The following CNTN1 variants were observed in gnomAD, a reference collection of about 807,000 sequenced individuals.
CNTN1 encodes the protein contactin 1.
In CNTN1, 38 loss-of-function variants were observed where a neutral mutation model predicts 126.4. That is an observed-to-expected ratio of 0.30 (90% CI 0.23 to 0.39). The LOEUF (loss-of-function observed/expected upper bound fraction) is 0.39. CNTN1 is among the 10% of genes least tolerant of loss of function. The probability of loss-of-function intolerance (pLI) is 1.00; values close to 1 mark genes in which losing one functional copy is unlikely to be tolerated. For missense variants in CNTN1, 1,009 were observed against 1,248.4 expected, an observed-to-expected ratio of 0.81 and a Z score of 2.89; for synonymous variants, 413 against 422.6, an observed-to-expected ratio of 0.98 and a Z score of 0.28.
At chr12:40,986,853 G>A (rs911870289) in intron 16 of CNTN1, among the ~76,000 whole-genome samples, 2 of 152,076 alleles carry the variant, frequency 1.3e-5, no homozygotes, top group Non-Finnish European at 2.9e-5. Context: ...GATTCTCCTT[G>A]TTCTTTGATC....
intron 19 of CNTN1, 62 bp downstream of exon 19, chr12:41,016,978 A>G (rs1178370677): frequency 1.4e-6 from 2 of 1,394,026 alleles, no homozygotes; most frequent in Admixed American, 1.7e-5. Flanking sequence ...TCTAGCAGGC[A>G]TTTAGTTTGT....
chr12:40,872,835 C>T (rs760525548), intron 1 of CNTN1, among the ~76,000 whole-genome samples: 5 of 152,022 alleles, frequency 3.3e-5, no homozygotes, highest in Non-Finnish European at 7.4e-5. Flanking sequence ...GCCGGGATTA[C>T]AGTCGTGAAC....
At chr12:40,929,196 T>C (rs572022765) in intron 6 of CNTN1, among the ~76,000 whole-genome samples, 2 of 152,108 alleles carry the variant, frequency 1.3e-5, no homozygotes, top group Non-Finnish European at 2.9e-5. Flanking sequence ...AGGAATTTCA[T>C]GTGGGTAAGA....
intron 15 of CNTN1, among the ~76,000 whole-genome samples, chr12:40,980,332 T>A (rs1947787493): frequency 6.6e-6 from 1 of 151,480 alleles, no homozygotes; most frequent in Non-Finnish European, 1.5e-5. Flanking sequence ...TAGTCCCAGC[T>A]ACTTGGGCGG....
chr12:41,064,254 T>C lies in CNTN1; in HGVS notation c.2981-5705T>C, dbSNP rs1950003311. Among the ~76,000 whole-genome samples, 7 of 151,876 alleles carry C rather than the reference T, an allele frequency of 4.6e-5. No individual in the cohort carries two copies. The South Asian group carries it at 1.5e-3, about 32-fold the overall frequency. ...CCAGAGACTTGGAAGATGCAGGCAT[T>C]CAATTATCTGCTCCAGTGTGCCTGT... is the stretch of plus-strand genomic sequence containing the variant. On this transcript the variant is annotated intron_variant, in intron 23 of 23. Transcript: ENST00000551295.
chr12:40,909,708 C>A (rs1412680948), intron 2 of CNTN1, among the ~76,000 whole-genome samples: 3 of 151,558 alleles, frequency 2.0e-5, no homozygotes, highest in East Asian at 1.9e-4. Flanking sequence ...TATGCACACA[C>A]ACCCACATAC....
intron 23 of CNTN1, among the ~76,000 whole-genome samples, chr12:41,069,500 T>C (rs988030492): frequency 6.6e-6 from 1 of 152,190 alleles, no homozygotes; most frequent in Non-Finnish European, 1.5e-5. Context: ...GTTTGTTACA[T>C]ATGTATACAA....
intron 1 of CNTN1, among the ~76,000 whole-genome samples, chr12:40,718,591 CA>C (rs1942109582): frequency 6.6e-6 from 1 of 151,714 alleles, no homozygotes; most frequent in Non-Finnish European, 1.5e-5. Flanking sequence ...TCCTAGTGGG[CA>C]AAAAAGGAAG....
At chr12:40,902,385 T>C (rs1305150168) in intron 1 of CNTN1, among the ~76,000 whole-genome samples, 1 of 152,154 alleles carries the variant, frequency 6.6e-6, no homozygotes, top group Non-Finnish European at 1.5e-5. Flanking sequence ...TATTGGTGTC[T>C]TTTTGTCTGG....
In CNTN1 at chr12:40,710,506, AATG is replaced by A. The variant is rs1353452671; in HGVS notation, c.-77+17918_-77+17920del. Among the ~76,000 whole-genome samples the A allele has an allele frequency of 3.3e-4, 50 of 152,304 alleles. 1 individual carries two copies. Among genetic ancestry groups the A allele is most frequent in the Admixed American group, 3.1e-3 (48 of 15,302 alleles). ...AGAAGTGAGCTCATGCTGTTGGAAA[AATG>A]ATGCCAGTAGACTTACTTGACACAC... On this transcript the variant is annotated intron_variant, in intron 1 of 23. Transcript: ENST00000551295.
chr12:40,834,901 C>A lies in CNTN1; in HGVS notation c.-76-73456C>A, dbSNP rs1015200135. Among the ~76,000 whole-genome samples, 42 of 152,070 alleles carry A rather than the reference C, an allele frequency of 2.8e-4. 1 individual carries two copies. The highest frequency in any genetic ancestry group is 2.8e-3 in the Admixed American group (42 of 15,254). ...ATATATTCTATAAAATTATTATGAG[C>A]ATACAATTTATTTTATGTCCTAGTT... On this transcript the variant is annotated intron_variant, in intron 1 of 23. Coordinates refer to ENST00000551295, the MANE Select transcript of CNTN1 (RefSeq NM_001843.4).
At chr12:40,706,651 A>G (rs1941748723) in intron 1 of CNTN1, among the ~76,000 whole-genome samples, 1 of 152,162 alleles carries the variant, frequency 6.6e-6, no homozygotes, top group Admixed American at 6.5e-5. Flanking sequence ...TATTTTAGAA[A>G]TGTTCTTTTG....
rs539623280 is a variant in CNTN1 at position 40,896,751 on chromosome 12, A to C, written c.-76-11606A>C. ...TCAACTGGAAGTGGCCTTGCATTTA[A>C]AAAGTAAGCAAGAATATAATAATAA... is the stretch of plus-strand genomic sequence containing the variant. On this transcript the variant is annotated intron_variant, in intron 1 of 23. Transcript: ENST00000551295. 3.9e-5 allele frequency among the ~76,000 whole-genome samples: 6 copies of C among 152,354 alleles called. No homozygotes were observed. In the South Asian group the frequency reaches 1.0e-3, roughly 26 times the overall value.
At chr12:40,785,685 G>C (rs1242683222) in intron 1 of CNTN1, among the ~76,000 whole-genome samples, 1 of 152,070 alleles carries the variant, frequency 6.6e-6, no homozygotes, top group Non-Finnish European at 1.5e-5. Context: ...TGATCAGTTA[G>C]GATGGGGCAG....
intron 1 of CNTN1, among the ~76,000 whole-genome samples, chr12:40,861,388 T>C (rs1943110825): frequency 6.6e-6 from 1 of 152,104 alleles, no homozygotes; most frequent in Admixed American, 6.6e-5. Flanking sequence ...AATTTGCCTG[T>C]TTAAAAAAAA....
intron 12 of CNTN1, among the ~76,000 whole-genome samples, chr12:40,940,227 A>T (rs1020771718): frequency 6.6e-6 from 1 of 151,860 alleles, no homozygotes; most frequent in Non-Finnish European, 1.5e-5. Flanking sequence ...TGAGGGCAGC[A>T]TGTACAAAGG....
intron 23 of CNTN1, among the ~76,000 whole-genome samples, chr12:41,052,756 A>G (rs1446513756): frequency 6.6e-6 from 1 of 152,122 alleles, no homozygotes; most frequent in Non-Finnish European, 1.5e-5. Context: ...GGATTACAAT[A>G]TCTGGAAGAC....
chr12:40,988,902 A>G (rs1403512848), intron 16 of CNTN1, among the ~76,000 whole-genome samples: 1 of 152,208 alleles, frequency 6.6e-6, no homozygotes, highest in Non-Finnish European at 1.5e-5. Context: ...GATTAACTGT[A>G]TTGCCTGACT....
chr12:41,023,333 T>G (rs1037502110), intron 20 of CNTN1, among the ~76,000 whole-genome samples: 2 of 152,236 alleles, frequency 1.3e-5, no homozygotes, highest in Non-Finnish European at 2.9e-5. Flanking sequence ...GACAATCTCT[T>G]CCCTTGTGGT....
Sources: gnomAD v4.1 joint callset for allele counts (sites outside exome capture counted in the v4.1 genomes callset) on GRCh38, gnomAD v4.1.1 for gene constraint, MANE v1.5 for transcripts, NCBI Gene and HGNC (gene_info 2026-07-23, HGNC 2026-07-21) for gene names.